GPC5: variants seen among roughly 807,000 people sequenced by gnomAD.
GPC5 encodes the protein glypican-5.
Under a neutral mutation model 53.9 loss-of-function variants are expected in GPC5, and 47 were observed. The observed-to-expected ratio is 0.87, with a 90% CI of 0.69 to 1.11. The LOEUF is 1.11. Ranked by LOEUF, GPC5 falls within the 50% of genes most tolerant of loss-of-function variation. The probability of loss-of-function intolerance (pLI) is 0.00; values close to 1 mark genes in which losing one functional copy is unlikely to be tolerated. For synonymous variants in GPC5, 286 were observed against 263.3 expected (o/e 1.09, Z -0.84); for missense variants, 748 against 713.1 (o/e 1.05, Z -0.56).
intron 7 of GPC5, among the ~76,000 whole-genome samples, chr13:92,426,225 T>A (rs1876826026): frequency 6.6e-6 from 1 of 152,094 alleles, no homozygotes; most frequent in East Asian, 1.9e-4. Context: ...CAGTCCTATG[T>A]GTATAGGTGG....
intron 7 of GPC5, among the ~76,000 whole-genome samples, chr13:92,454,834 A>G (rs1310244196): frequency 6.6e-6 from 1 of 152,226 alleles, no homozygotes; most frequent in Non-Finnish European, 1.5e-5. Context: ...GTGAATTTAT[A>G]TATAAAAACA....
intron 7 of GPC5, among the ~76,000 whole-genome samples, chr13:92,251,107 C>T (rs533190686): frequency 6.6e-5 from 10 of 152,186 alleles, no homozygotes; most frequent in African/African-American, 2.4e-4. Flanking sequence ...AATTAAATTA[C>T]AATCCCACAT....
chr13:92,287,923 C>T (rs2139179186), intron 7 of GPC5, among the ~76,000 whole-genome samples: 1 of 152,152 alleles, frequency 6.6e-6, no homozygotes, highest in South Asian at 2.1e-4. Context: ...TCCCATACAT[C>T]TCGTGGGCTC....
chr13:91,577,188 C>A (rs1457980229), intron 2 of GPC5, among the ~76,000 whole-genome samples: 1 of 152,136 alleles, frequency 6.6e-6, no homozygotes, highest in East Asian at 1.9e-4. Context: ...TTGTGGACTT[C>A]CTTTTAGCCG....
intron 7 of GPC5, among the ~76,000 whole-genome samples, chr13:92,698,239 A>G (rs889139898): frequency 3.3e-5 from 5 of 152,048 alleles, no homozygotes; most frequent in African/African-American, 1.2e-4. Flanking sequence ...ATATGTATAC[A>G]TGTGCCATGT....
intron 1 of GPC5, among the ~76,000 whole-genome samples, chr13:91,423,423 C>T (rs74999187): frequency 0.017 from 2,567 of 152,178 alleles, 34 homozygotes; most frequent in South Asian, 0.026. Context: ...GGCCAAAAGC[C>T]AGGTTGATAT....
At chr13:92,638,820 T>C (rs998987499) in intron 7 of GPC5, among the ~76,000 whole-genome samples, 8 of 152,152 alleles carry the variant, frequency 5.3e-5, no homozygotes, top group African/African-American at 1.9e-4. Flanking sequence ...AAAGCATTCA[T>C]GAAAAAAGGT....
At chr13:92,428,567 C>G (rs1398925135) in intron 7 of GPC5, among the ~76,000 whole-genome samples, 7 of 152,020 alleles carry the variant, frequency 4.6e-5, no homozygotes, top group Admixed American at 4.6e-4. Context: ...ATATCTTGCT[C>G]AGAGAAACTG....
intron 7 of GPC5, among the ~76,000 whole-genome samples, chr13:92,373,127 T>C (rs966110789): frequency 6.6e-6 from 1 of 152,180 alleles, no homozygotes; most frequent in Non-Finnish European, 1.5e-5. Context: ...TACATGTGAG[T>C]AATTCCTTAA....
At chr13:91,636,964 A>G (rs1279818648) in intron 2 of GPC5, among the ~76,000 whole-genome samples, 1 of 151,672 alleles carries the variant, frequency 6.6e-6, no homozygotes, top group Admixed American at 6.6e-5. Flanking sequence ...TAAAACAAAC[A>G]AACGAACAAA....
At position 91,857,580 on chromosome 13, in the gene GPC5, G is replaced by GTT. The variant is rs1325183990; in HGVS notation, c.1281-50348_1281-50347dup. ...TCTGTACATAAAGATTTCTATGGCT[G>GTT]TTTTTTTTTTCCAAATTTTGTGTTT... On this transcript the variant is annotated intron_variant, in intron 5 of 7. Coordinates refer to ENST00000377067, the MANE Select transcript of GPC5 (RefSeq NM_004466.6). 4.2e-5 allele frequency among the ~76,000 whole-genome samples: 6 copies of GTT among 143,984 alleles called. No individual in the cohort carries two copies. In the East Asian group the frequency reaches 6.0e-4, roughly 14 times the overall value. 94.5% of individuals were successfully genotyped at this position (143,984 alleles called of 152,430 possible). A position where few individuals can be genotyped will look rare whatever the true frequency, so the allele number is the denominator to read the frequency against.
At chr13:91,524,883 T>A (rs192180707) in intron 2 of GPC5, among the ~76,000 whole-genome samples, 55 of 152,322 alleles carry the variant, frequency 3.6e-4, no homozygotes, top group Admixed American at 1.1e-3. Flanking sequence ...TCAACACAAT[T>A]GAAATTACAT....
At chr13:92,551,846 G>C (rs1882328208) in intron 7 of GPC5, among the ~76,000 whole-genome samples, 1 of 151,836 alleles carries the variant, frequency 6.6e-6, no homozygotes, top group Admixed American at 6.6e-5. Flanking sequence ...GTTGGTGAGA[G>C]AGAGAAAAGA....
intron 7 of GPC5, among the ~76,000 whole-genome samples, chr13:92,478,778 A>C (rs535205486): frequency 1.3e-5 from 2 of 152,328 alleles, no homozygotes; most frequent in South Asian, 4.1e-4. Flanking sequence ...ATAGGAATCT[A>C]TCCAGCGGCA....
intron 6 of GPC5, chr13:91,994,515 T>C (rs1483960458): frequency 2.0e-5 from 3 of 152,224 alleles, no homozygotes; most frequent in African/African-American, 7.2e-5. Context: ...TTGTTAATGA[T>C]TCTTAATTAA....
chr13:91,888,658 G>A (rs750198103), intron 5 of GPC5, among the ~76,000 whole-genome samples: 1 of 152,124 alleles, frequency 6.6e-6, no homozygotes. Context: ...CTGGTTTACA[G>A]ATTATTCATG....
chr13:91,519,782 G>A (rs1337002304), intron 2 of GPC5, among the ~76,000 whole-genome samples: 8 of 151,946 alleles, frequency 5.3e-5, no homozygotes, highest in Non-Finnish European at 7.4e-5. Context: ...GCAGGTTACT[G>A]TTTACTTTTA....
chr13:92,018,838 A>G (rs2040731704), intron 6 of GPC5, among the ~76,000 whole-genome samples: 1 of 152,126 alleles, frequency 6.6e-6, no homozygotes, highest in Non-Finnish European at 1.5e-5. Flanking sequence ...TAACAAAATC[A>G]TTTTTATGAA....
At chr13:92,099,634 G>A (rs553553826) in intron 6 of GPC5, among the ~76,000 whole-genome samples, 12 of 152,234 alleles carry the variant, frequency 7.9e-5, no homozygotes, top group Admixed American at 5.9e-4. Context: ...GTAAAAGTCA[G>A]AGTGCCTGAT....
Sources: gnomAD v4.1 joint callset for allele counts (sites outside exome capture counted in the v4.1 genomes callset) on GRCh38, gnomAD v4.1.1 for gene constraint, MANE v1.5 for transcripts, NCBI Gene and HGNC (gene_info 2026-07-23, HGNC 2026-07-21) for gene names.